Variants in CDS2 observed in about 807,000 individuals in gnomAD.
CDS2 encodes phosphatidate cytidylyltransferase 2.
In CDS2, 47 loss-of-function variants were observed where a neutral mutation model predicts 59.0. That is an observed-to-expected ratio of 0.80 (90% CI 0.63 to 1.02). The LOEUF is 1.02. Ranked by LOEUF, CDS2 falls within the 50% of genes least tolerant of loss-of-function variation. CDS2 has a pLI of 0.00. For missense variants in CDS2, 356 were observed against 558.9 expected (o/e 0.64, Z 3.66); for synonymous variants, 207 against 206.4 (o/e 1.00, Z -0.02).
At chr20:5,151,183 T>TGA (rs1299421587) in intron 1 of CDS2, among the ~76,000 whole-genome samples, 1 of 152,222 alleles carries the variant, frequency 6.6e-6, no homozygotes, top group East Asian at 1.9e-4. Context: ...AAGTTGACAG[T>TGA]GTTAATGCTA....
At position 5,192,087 on chromosome 20, in the gene CDS2, A is replaced by G. The variant is rs1329308397; in HGVS notation, c.*1853A>G. 1 of 152,208 alleles carries G rather than the reference A, an allele frequency of 6.6e-6. No individual in the cohort carries two copies. Among genetic ancestry groups the G allele is most frequent in the East Asian group, 1.9e-4 (1 of 5,198 alleles). The allele number at this position is 152,208 out of a possible 1,614,324, so 9.4% of individuals were successfully genotyped here. A position where few individuals can be genotyped will look rare whatever the true frequency, so the allele number is the denominator to read the frequency against. ...AGGTATCTCAGCAGCACACCCGAAC[A>G]GTAAAGGTGATCAATAACGAAACTG... On this transcript the variant is annotated 3_prime_UTR_variant, in exon 13 of 13. Transcript: ENST00000460006.
intron 1 of CDS2, among the ~76,000 whole-genome samples, chr20:5,170,940 G>A (rs1263817091): frequency 6.6e-6 from 1 of 152,186 alleles, no homozygotes; most frequent in Non-Finnish European, 1.5e-5. Context: ...ACACCTCTAC[G>A]CAAATAAACT....
intron 1 of CDS2, among the ~76,000 whole-genome samples, chr20:5,153,637 A>G (rs1013988193): frequency 1.3e-5 from 2 of 152,214 alleles, no homozygotes; most frequent in African/African-American, 4.8e-5. Flanking sequence ...TATAGCTTGT[A>G]CTGTTTGCTT....
At chr20:5,183,666 G>A (rs2091046951) in intron 7 of CDS2, among the ~76,000 whole-genome samples, 1 of 152,174 alleles carries the variant, frequency 6.6e-6, no homozygotes, top group Admixed American at 6.5e-5. Flanking sequence ...TGAGGAGAGA[G>A]AAGCAGGAAT....
At chr20:5,185,367 A>G (rs2091059834) in intron 8 of CDS2, among the ~76,000 whole-genome samples, 1 of 152,162 alleles carries the variant, frequency 6.6e-6, no homozygotes, top group Non-Finnish European at 1.5e-5. Context: ...TGAGGCTTCA[A>G]GGAGCTGTGA....
intron 1 of CDS2, among the ~76,000 whole-genome samples, chr20:5,152,414 T>C (rs1322438633): frequency 6.6e-6 from 1 of 152,222 alleles, no homozygotes; most frequent in East Asian, 1.9e-4. Context: ...GTTTCATCTT[T>C]AGTTTGGATA....
At chr20:5,169,983 T>C (rs1245978585) in intron 1 of CDS2, among the ~76,000 whole-genome samples, 1 of 152,164 alleles carries the variant, frequency 6.6e-6, no homozygotes, top group Non-Finnish European at 1.5e-5. Context: ...GCTTCTGTCC[T>C]GTGTGCTGTG....
chr20:5,153,268 T>TA (rs1340121155), intron 1 of CDS2, among the ~76,000 whole-genome samples: 2 of 152,206 alleles, frequency 1.3e-5, no homozygotes, highest in Non-Finnish European at 2.9e-5. Flanking sequence ...GTACACTTTT[T>TA]ATTAAAGTAT....
chr20:5,147,920 G>T (rs980553957), intron 1 of CDS2, among the ~76,000 whole-genome samples: 3 of 151,980 alleles, frequency 2.0e-5, no homozygotes, highest in African/African-American at 4.8e-5. Context: ...TGTGTCTTTT[G>T]ATCTCTAAGA....
chr20:5,176,451 A>T, intron 3 of CDS2, 197 bp from the exon 4 acceptor site: 1 of 559,266 alleles, frequency 1.8e-6, no homozygotes, highest in Non-Finnish European at 3.2e-6. Context: ...GGAAAATTGG[A>T]TCTACTCCCT....
Position 5,190,223 on chromosome 20 carries a change from G to C in CDS2, c.1327G>C (p.Glu443Gln). Residue 443 changes from glutamate (E) to glutamine (Q), a missense_variant, in exon 13 of 13, where the codon GAG becomes CAG. Physicochemically the swap from Glu to Gln is conservative, Grantham distance 29 (BLOSUM62 2). Around this residue, in one of 5 missense-constraint regions of CDS2, gnomAD observed 33 missense variants for 27.9 expected, o/e 1.18. Coordinates refer to ENST00000460006, the MANE Select transcript of CDS2 (RefSeq NM_003818.4). Reference protein sequence around the residue: ...IDKGMLTSTTEDE With the variant: ...IDKGMLTSTTQDE ...CAAAGGGATGCTGACATCCACCACAGAGGACGAGTAGGGGCCACCCAGGGC... is the reference window on the plus strand; with the variant it reads ...CAAAGGGATGCTGACATCCACCACACAGGACGAGTAGGGGCCACCCAGGGC... 6.2e-7 allele frequency: 1 copy of C among 1,613,916 alleles called. No individual in the cohort carries two copies. Among genetic ancestry groups the C allele is most frequent in the African/African-American group, 1.3e-5 (1 of 75,034 alleles).
intron 1 of CDS2, among the ~76,000 whole-genome samples, chr20:5,158,827 GA>G (rs1374097407): frequency 6.6e-6 from 1 of 152,162 alleles, no homozygotes; most frequent in Non-Finnish European, 1.5e-5. Flanking sequence ...ATTTGTCAGA[GA>G]TATATGGTGG....
chr20:5,169,325 T>C (rs2090937826), intron 1 of CDS2, among the ~76,000 whole-genome samples: 1 of 152,190 alleles, frequency 6.6e-6, no homozygotes, highest in South Asian at 2.1e-4. Flanking sequence ...CTGGTCTCAG[T>C]ACCCACCAGG....
At chr20:5,141,303 A>T (rs1040547299) in intron 1 of CDS2, among the ~76,000 whole-genome samples, 3 of 152,242 alleles carry the variant, frequency 2.0e-5, no homozygotes, top group Admixed American at 2.0e-4. Flanking sequence ...ATTAGATAGT[A>T]TCCTTTTTGT....
intron 1 of CDS2, among the ~76,000 whole-genome samples, chr20:5,160,802 T>C (rs1396217646): frequency 6.6e-6 from 1 of 152,216 alleles, no homozygotes; most frequent in Non-Finnish European, 1.5e-5. Context: ...AGTGGAATCA[T>C]ATATTTGTCC....
chr20:5,189,206 T>C lies in CDS2; in HGVS notation c.1101+20T>C, dbSNP rs1277096222. On this transcript the variant is annotated intron_variant, in intron 11 of 12. Transcript: ENST00000460006. The stretch of plus-strand genomic sequence containing the variant: ...ATCAAAGTAGGAAAACCGTCTTACG[T>C]TCCTCTCATCTCACTCCCTCACCCA... The C allele has an allele frequency of 1.2e-6, 2 of 1,613,622 alleles. No homozygotes were observed. The highest frequency in any genetic ancestry group is 4.5e-5 in the East Asian group (2 of 44,864).
intron 5 of CDS2, among the ~76,000 whole-genome samples, chr20:5,179,465 T>C (rs2091017911): frequency 6.6e-6 from 1 of 152,188 alleles, no homozygotes; most frequent in Non-Finnish European, 1.5e-5. Context: ...GGGGCAGGAC[T>C]GTGGCCTGTG....
chr20:5,157,830 G>A (rs534926470), intron 1 of CDS2, among the ~76,000 whole-genome samples: 49 of 152,232 alleles, frequency 3.2e-4, no homozygotes, highest in African/African-American at 1.0e-3. Flanking sequence ...GGATTTCAGC[G>A]TATGAATTTT....
At chr20:5,156,026 A>C (rs1320871858) in intron 1 of CDS2, among the ~76,000 whole-genome samples, 2 of 152,182 alleles carry the variant, frequency 1.3e-5, no homozygotes, top group African/African-American at 4.8e-5. Context: ...ATTAGGCAAA[A>C]ATGAATGGGG....
Sources: gnomAD v4.1 joint callset for allele counts (sites outside exome capture counted in the v4.1 genomes callset) on GRCh38, gnomAD v4.1.1 for gene constraint, gnomAD v4.1.1 regional missense constraint, MANE v1.5 for transcripts, NCBI Gene and HGNC (gene_info 2026-07-23, HGNC 2026-07-21) for gene names.